The following AADACL4 variants were observed in gnomAD, a reference collection of about 807,000 sequenced individuals.
AADACL4 encodes arylacetamide deacetylase like 4.
Under a neutral mutation model 14.1 loss-of-function variants are expected in AADACL4, and 9 were observed. The observed-to-expected ratio is 0.64, with a 90% CI of 0.39 to 1.12. AADACL4 has a LOEUF of 1.12. Ranked by LOEUF, AADACL4 falls within the 50% of genes most tolerant of loss-of-function variation. The pLI is 0.01. For missense variants in AADACL4, 531 were observed against 516.1 expected (o/e 1.03, Z -0.28); for synonymous variants, 188 against 201.6 (o/e 0.93, Z 0.57).
chr1:12,659,652 T>C (rs909716251), intron 2 of AADACL4, among the ~76,000 whole-genome samples: 1 of 152,170 alleles, frequency 6.6e-6, no homozygotes, highest in Non-Finnish European at 1.5e-5. Context: ...TATACATATA[T>C]ATATTTTAAG....
intron 3 of AADACL4, among the ~76,000 whole-genome samples, chr1:12,663,581 A>AT (rs1647265496): frequency 6.6e-6 from 1 of 152,150 alleles, no homozygotes. Flanking sequence ...GGACACACAC[A>AT]TTCAGTCTAT....
At chr1:12,651,368 G>A (rs1647144852) in intron 2 of AADACL4, 29 bp downstream of exon 2, 1 of 1,609,134 alleles carries the variant, frequency 6.2e-7, no homozygotes, top group East Asian at 2.2e-5. Context: ...GCTTTGTAGA[G>A]GAAGGGCCTC....
chr1:12,648,536 A>G (rs946403549), intron 1 of AADACL4, among the ~76,000 whole-genome samples: 10 of 149,304 alleles, frequency 6.7e-5, no homozygotes, highest in South Asian at 4.2e-4. Flanking sequence ...AGCTGGGACC[A>G]CAGGCATGCA....
At chr1:12,655,018 C>T (rs766845427) in intron 2 of AADACL4, among the ~76,000 whole-genome samples, 23 of 152,120 alleles carry the variant, frequency 1.5e-4, no homozygotes, top group Non-Finnish European at 2.2e-4. Context: ...GACACTCAGC[C>T]GGACTGGCAA....
chr1:12,652,741 T>C (rs1047381410), intron 2 of AADACL4, among the ~76,000 whole-genome samples: 1 of 152,178 alleles, frequency 6.6e-6, no homozygotes, highest in Non-Finnish European at 1.5e-5. Context: ...ATACACCAAA[T>C]ATGGTGTCCC....
At chr1:12,664,206 C>T (rs1251322635) in intron 3 of AADACL4, among the ~76,000 whole-genome samples, 1 of 152,062 alleles carries the variant, frequency 6.6e-6, no homozygotes, top group African/African-American at 2.4e-5. Flanking sequence ...ATGGGGCTCT[C>T]ATATAATTTT....
intron 2 of AADACL4, among the ~76,000 whole-genome samples, chr1:12,660,781 C>T (rs974358783): frequency 2.0e-5 from 3 of 152,138 alleles, no homozygotes; most frequent in Admixed American, 1.3e-4. Flanking sequence ...GTAGCTGGGA[C>T]TACAGGCATG....
chr1:12,653,563 G>A (rs750958017), intron 2 of AADACL4, among the ~76,000 whole-genome samples: 1 of 152,208 alleles, frequency 6.6e-6, no homozygotes. Context: ...GTTTATTACC[G>A]CACAAACCCT....
intron 1 of AADACL4, among the ~76,000 whole-genome samples, chr1:12,645,983 C>T (rs1377730945): frequency 6.6e-6 from 1 of 152,194 alleles, no homozygotes; most frequent in Non-Finnish European, 1.5e-5. Context: ...AGGCTCTGAG[C>T]AGGGCTTGGG....
intron 3 of AADACL4, among the ~76,000 whole-genome samples, chr1:12,663,466 C>T (rs1647263033): frequency 6.6e-6 from 1 of 152,078 alleles, no homozygotes; most frequent in Non-Finnish European, 1.5e-5. Context: ...GGGCACTAAT[C>T]CCATTCATGA....
chr1:12,666,691 CT>C lies in AADACL4; in HGVS notation c.1181del (p.Leu394ArgfsTer4). On this transcript the variant is annotated frameshift_variant, in exon 4 of 4. Transcript: ENST00000376221. LOFTEE classifies it low-confidence loss of function (END_TRUNC). ...DKKALSFPCS[L>X]KIVNAVVSYI... The stretch of plus-strand genomic sequence containing the variant: ...GAAGGCTCTCTCTTTCCCATGTTCC[CT>C]GAAGATTGTGAATGCTGTAGTCAGT... 1 of 1,613,464 alleles carries C rather than the reference CT, an allele frequency of 6.2e-7. No homozygotes were observed. The highest frequency in any genetic ancestry group is 8.5e-7 in the Non-Finnish European group (1 of 1,179,962).
intron 1 of AADACL4, among the ~76,000 whole-genome samples, chr1:12,646,711 C>G (rs1043618186): frequency 2.0e-5 from 3 of 152,232 alleles, no homozygotes; most frequent in Non-Finnish European, 2.9e-5. Context: ...TAAACATCTA[C>G]TGATGACAGC....
intron 1 of AADACL4, among the ~76,000 whole-genome samples, chr1:12,647,300 C>A (rs547418731): frequency 1.3e-5 from 2 of 151,990 alleles, no homozygotes; most frequent in Admixed American, 1.3e-4. Context: ...GGTCTTGCTA[C>A]GTTGCCAAGG....
chr1:12,648,212 C>T (rs1019710638), intron 1 of AADACL4, among the ~76,000 whole-genome samples: 3 of 152,212 alleles, frequency 2.0e-5, no homozygotes, highest in East Asian at 3.9e-4. Context: ...CCTTGTGATC[C>T]GCCTGCCTCG....
intron 1 of AADACL4, among the ~76,000 whole-genome samples, chr1:12,645,467 C>T (rs932218657): frequency 6.6e-6 from 1 of 152,252 alleles, no homozygotes; most frequent in South Asian, 2.1e-4. Flanking sequence ...GGGCTTGTGG[C>T]CTGACAGCCC....
chr1:12,665,411 G>C (rs1647300392), intron 3 of AADACL4, among the ~76,000 whole-genome samples: 1 of 152,116 alleles, frequency 6.6e-6, no homozygotes, highest in Non-Finnish European at 1.5e-5. Context: ...TTGTTTAGTA[G>C]AGACGGGGTT....
intron 3 of AADACL4, among the ~76,000 whole-genome samples, chr1:12,662,966 C>T (rs906754627): frequency 6.6e-6 from 1 of 152,170 alleles, no homozygotes; most frequent in African/African-American, 2.4e-5. Context: ...TGCATTAATA[C>T]CTTGTAGGAA....
chr1:12,644,924 T>A (rs1423249747), intron 1 of AADACL4, among the ~76,000 whole-genome samples: 2 of 149,338 alleles, frequency 1.3e-5, no homozygotes, highest in Non-Finnish European at 3.0e-5. Flanking sequence ...CCTGCCTTTC[T>A]TCCTCTCTCC....
At chr1:12,652,400 T>C (rs1353193819) in intron 2 of AADACL4, among the ~76,000 whole-genome samples, 1 of 152,232 alleles carries the variant, frequency 6.6e-6, no homozygotes, top group African/African-American at 2.4e-5. Context: ...CCTGGTTCTT[T>C]CAGTTGTATC....
Sources: allele counts gnomAD v4.1 joint callset (sites outside exome capture counted in the v4.1 genomes callset), GRCh38; gene constraint gnomAD v4.1.1; transcripts MANE v1.5; gene names NCBI Gene and HGNC (gene_info 2026-07-23, HGNC 2026-07-21).